Variants in TRIML1 observed in about 807,000 individuals in gnomAD.
TRIML1 encodes the protein tripartite motif family like 1, also known as probable E3 ubiquitin-protein ligase TRIML1.
A neutral mutation model predicts 32.3 loss-of-function variants in TRIML1; 34 were observed. The observed-to-expected ratio is 1.05, with a 90% CI of 0.80 to 1.40. The LOEUF (loss-of-function observed/expected upper bound fraction) is 1.40. TRIML1 is among the 40% of genes most tolerant of loss of function. The pLI is 0.00. For missense variants in TRIML1, 595 were observed against 574.9 expected (o/e 1.03, Z -0.36); for synonymous variants, 244 against 226.6 (o/e 1.08, Z -0.69).
rs141457295 is a variant in TRIML1 at position 188,147,288 on chromosome 4, C to G, written c.1323C>G (p.Leu441=). 2.6e-6 allele frequency: 4 copies of G among 1,563,470 alleles called. No individual in the cohort carries two copies. Among genetic ancestry groups the G allele is most frequent in the East Asian group, 2.3e-5 (1 of 44,388 alleles). ...CGCAGGCTTCTTTCCAAGAGGCCCT[C>G]AGGCCTATCTTTTCCCCCTGCCTCC... is the stretch of plus-strand genomic sequence containing the variant. ...SFPQASFQEA[L]RPIFSPCLPN... Residue 441 remains leucine (L), a synonymous_variant, in exon 6 of 6, where the codon CTC becomes CTG. Coordinates refer to ENST00000332517, the MANE Select transcript of TRIML1 (RefSeq NM_178556.5).
At chr4:188,148,538 A>C (rs989239636), downstream of TRIML1, among the ~76,000 whole-genome samples, 3 of 151,734 alleles carry the variant, frequency 2.0e-5, no homozygotes, top group African/African-American at 7.3e-5. Flanking sequence ...GTGGTGGCTG[A>C]GGGGAGCTCT....
At chr4:188,143,769 T>C in intron 3 of TRIML1, 69 bp from the exon 4 acceptor site, 4 of 1,586,572 alleles carry the variant, frequency 2.5e-6, no homozygotes, top group Middle Eastern at 1.7e-4. Flanking sequence ...AAGGACTGTA[T>C]GCAAAATGAA....
Position 188,144,114 on chromosome 4 carries a change from G to A in TRIML1, c.837G>A (p.Glu279=). 6.2e-7 allele frequency: 1 copy of A among 1,614,010 alleles called. No individual in the cohort carries two copies. The highest frequency in any genetic ancestry group is 1.1e-5 in the South Asian group (1 of 91,064). The change falls in exon 5 of 6, where the codon GAG becomes GAA. Residue 279 remains glutamate (E), a synonymous_variant. Transcript: ENST00000332517. ...LSLCRITGMK[E]MLRKFSTEIT... ...TGTGCCGCATCACGGGAATGAAGGA[G>A]ATGCTAAGAAAATTCAGCAGTAAGT... is the stretch of plus-strand genomic sequence containing the variant.
In TRIML1 at chr4:188,147,482, C is replaced by T. The variant is rs141093223; in HGVS notation, c.*110C>T. The T allele has an allele frequency of 1.6e-4, 147 of 944,578 alleles. 1 individual carries two copies. The East Asian group carries it at 3.1e-3, about 20-fold the overall frequency. The allele number at this position is 944,578 out of a possible 1,614,324, so 58.5% of individuals were successfully genotyped here. A position where few individuals can be genotyped will look rare whatever the true frequency, so the allele number is the denominator to read the frequency against. ...TGTCAGGTGATCTGAAATAAACTCC[C>T]GTAACCCCACCCCACCCCCAAGAGT... On this transcript the variant is annotated 3_prime_UTR_variant, in exon 6 of 6. Transcript: ENST00000332517.
At chr4:188,148,234 C>T (rs1050611687), downstream of TRIML1, among the ~76,000 whole-genome samples, 18 of 152,150 alleles carry the variant, frequency 1.2e-4, no homozygotes, top group Non-Finnish European at 1.9e-4. Context: ...TGGCTCATGC[C>T]TGTAATCCCA....
At chr4:188,137,591 T>C (rs1241800257), upstream of TRIML1, among the ~76,000 whole-genome samples, 1 of 151,684 alleles carries the variant, frequency 6.6e-6, no homozygotes, top group Non-Finnish European at 1.5e-5. Context: ...AATTCTTCTG[T>C]CTCAGCCTCC....
chr4:188,149,916 C>T (rs1191203329), downstream of TRIML1, among the ~76,000 whole-genome samples: 1 of 152,078 alleles, frequency 6.6e-6, no homozygotes, highest in Non-Finnish European at 1.5e-5. Context: ...GATTCTCCTG[C>T]CTCAGCCTCC....
intron 5 of TRIML1, among the ~76,000 whole-genome samples, chr4:188,145,478 T>TAAAAAAA (rs1735040954): frequency 2.7e-4 from 3 of 11,026 alleles, no homozygotes; most frequent in Non-Finnish European, 6.0e-4. Context: ...AAAAAAAAAG[T>TAAAAAAA]CAGAAATGGA....
Position 188,139,768 on chromosome 4 carries a change from T to C in TRIML1, c.210T>C (p.Arg70=), listed in dbSNP as rs1303266851. 3 of 1,613,762 alleles carry C rather than the reference T, an allele frequency of 1.9e-6. No homozygotes were observed. Among genetic ancestry groups the C allele is most frequent in the Admixed American group, 1.7e-5 (1 of 59,982 alleles). Residue 70 remains arginine (R), a synonymous_variant, in exon 1 of 6, where the codon CGT becomes CGC. Coordinates refer to ENST00000332517, the MANE Select transcript of TRIML1 (RefSeq NM_178556.5). ...LEGPHFQSNE[R]LGRLASIARQ... The stretch of plus-strand genomic sequence containing the variant: ...GCCCGCATTTCCAGTCAAACGAGCG[T>C]CTGGGGAGGCTGGCCAGCATCGCCA...
intron 1 of TRIML1, among the ~76,000 whole-genome samples, 160 bp downstream of exon 1, chr4:188,140,126 CT>C (rs773689742): frequency 7.3e-6 from 1 of 136,892 alleles, no homozygotes; most frequent in Admixed American, 7.4e-5. Flanking sequence ...TTTTTTTTCC[CT>C]TTTTTTGTTT....
upstream of TRIML1, among the ~76,000 whole-genome samples, chr4:188,138,840 G>A (rs1267288755): frequency 6.6e-6 from 1 of 152,066 alleles, no homozygotes; most frequent in Non-Finnish European, 1.5e-5. Flanking sequence ...AGATGGGTGA[G>A]TACTAGGGTG....
chr4:188,144,952 T>C (rs1447880776), intron 5 of TRIML1, among the ~76,000 whole-genome samples: 2 of 152,120 alleles, frequency 1.3e-5, no homozygotes, highest in African/African-American at 2.4e-5. Flanking sequence ...AGCTTTGAAC[T>C]CCAGAGTGCT....
At chr4:188,140,015 C>T (rs56361162) in intron 1 of TRIML1, 49 bp downstream of exon 1, 281,124 of 1,523,462 alleles carry the variant, frequency 0.18, 27,771 homozygotes, top group Middle Eastern at 0.23. Flanking sequence ...CAGCTAACTC[C>T]GTTAGCTTTC....
At chr4:188,142,118 A>G in intron 2 of TRIML1, 134 bp from the exon 3 acceptor site, 3 of 241,476 alleles carry the variant, frequency 1.2e-5, no homozygotes, top group Non-Finnish European at 7.1e-6. Context: ...TCCATCTCAA[A>G]AAAAAAAAAA....
downstream of TRIML1, among the ~76,000 whole-genome samples, chr4:188,150,633 A>G (rs1054417541): frequency 1.3e-5 from 2 of 152,002 alleles, no homozygotes; most frequent in African/African-American, 4.8e-5. Context: ...ATCCAGTGAT[A>G]CATCCTTTCC....
chr4:188,147,856 G>A (rs78993372), downstream of TRIML1: 7,972 of 152,768 alleles, frequency 0.052, 439 homozygotes, highest in African/African-American at 0.13. Flanking sequence ...GTGTGTGAGA[G>A]GGCTCAGATC....
At position 188,139,706 on chromosome 4, in the gene TRIML1, C is replaced by G. The variant is rs200213542; in HGVS notation, c.148C>G (p.Pro50Ala). The change falls in exon 1 of 6, where the codon CCT becomes GCT. Residue 50 changes from proline to alanine, a missense_variant. Transcript: ENST00000332517. ...LLRSWEEHNT[P>A]LSCPECWRTL... ...CAGGAGCTGGGAGGAACATAACACA[C>G]CTTTATCTTGTCCTGAGTGCTGGAG... The G allele has an allele frequency of 1.2e-6, 2 of 1,614,036 alleles. No homozygotes were observed. The highest frequency in any genetic ancestry group is 3.3e-5 in the Admixed American group (2 of 59,998).
intron 5 of TRIML1, among the ~76,000 whole-genome samples, chr4:188,145,208 C>T (rs1349022564): frequency 1.3e-5 from 2 of 150,532 alleles, no homozygotes; most frequent in Non-Finnish European, 3.0e-5. Context: ...GAGGCCAAGG[C>T]GGGCAGATCA....
Position 188,147,072 on chromosome 4 carries a change from C to T in TRIML1, c.1107C>T (p.Pro369=). ...CTGTGAGCAGAAAGGGGAATCTCCC[C>T]AAGCCACCTGGGGACCTGTTCTCAC... ...KDSVSRKGNL[P]KPPGDLFSLI... Residue 369 remains proline, a synonymous_variant, in exon 6 of 6, where the codon CCC becomes CCT. Transcript: ENST00000332517. 1 of 1,613,742 alleles carries T rather than the reference C, an allele frequency of 6.2e-7. No individual in the cohort carries two copies. The highest frequency in any genetic ancestry group is 8.5e-7 in the Non-Finnish European group (1 of 1,179,902).
Sources: gnomAD v4.1 joint callset for allele counts (sites outside exome capture counted in the v4.1 genomes callset) on GRCh38, gnomAD v4.1.1 for gene constraint, MANE v1.5 for transcripts, NCBI Gene and HGNC (gene_info 2026-07-23, HGNC 2026-07-21) for gene names.